The following LRRC37A2 variants were observed in gnomAD, a reference collection of about 807,000 sequenced individuals.
The protein encoded by LRRC37A2 is leucine-rich repeat-containing protein 37A2.
In LRRC37A2, 9 loss-of-function variants were observed where a neutral mutation model predicts 68.8. That is an observed-to-expected ratio of 0.13 (90% confidence interval 0.08 to 0.23). The LOEUF (loss-of-function observed/expected upper bound fraction) is 0.23. Ranked by LOEUF, LRRC37A2 falls within the 10% of genes least tolerant of loss-of-function variation. The probability of loss-of-function intolerance (pLI) is 1.00; values close to 1 mark genes in which losing one functional copy is unlikely to be tolerated. For synonymous variants in LRRC37A2, 63 were observed against 367.6 expected (o/e 0.17, Z 9.48); for missense variants, 168 against 950.4 (o/e 0.18, Z 10.82).
the LRRC37A2 span, among the ~76,000 whole-genome samples, chr17:46,668,811 TA>T: frequency 7.2e-6 from 1 of 138,758 alleles, no homozygotes; most frequent in East Asian, 3.6e-4. Flanking sequence ...ACCCTGTCTC[TA>T]AAAAAGTACT....
At chr17:46,818,353 A>G in the LRRC37A2 span, among the ~76,000 whole-genome samples, 2 of 133,954 alleles carry the variant, frequency 1.5e-5, no homozygotes, top group Non-Finnish European at 3.1e-5. Context: ...TGGATTCTGA[A>G]GGCGACACCA....
chr17:46,752,503 C>T, the LRRC37A2 span, among the ~76,000 whole-genome samples: 1 of 151,826 alleles, frequency 6.6e-6, no homozygotes, highest in Non-Finnish European at 1.5e-5. Context: ...TCTCCCAGGC[C>T]GGAATGCAGT....
the LRRC37A2 span, among the ~76,000 whole-genome samples, chr17:46,642,093 GAA>G: frequency 1.0e-5 from 1 of 97,256 alleles, no homozygotes; most frequent in South Asian, 3.0e-4. Context: ...TAGAGTGTAA[GAA>G]AAAAATATTT....
At chr17:46,933,454 C>G in the LRRC37A2 span, 7 of 152,198 alleles carry the variant, frequency 4.6e-5, no homozygotes, top group Non-Finnish European at 1.0e-4. Flanking sequence ...TTCTGACACA[C>G]TGGGCATTAG....
chr17:46,919,310 A>G, the LRRC37A2 span, among the ~76,000 whole-genome samples: 1 of 152,242 alleles, frequency 6.6e-6, no homozygotes, highest in Non-Finnish European at 1.5e-5. Flanking sequence ...TCAGCAGTAT[A>G]TATCAATTAT....
chr17:46,503,037 C>T, the LRRC37A2 span, among the ~76,000 whole-genome samples: 2 of 150,580 alleles, frequency 1.3e-5, no homozygotes, highest in Non-Finnish European at 2.9e-5. Flanking sequence ...ACGGTGAAAC[C>T]CCATCTCTAC....
At chr17:46,885,993 C>A in the LRRC37A2 span, 1 of 152,424 alleles carries the variant, frequency 6.6e-6, no homozygotes, top group South Asian at 2.1e-4. Context: ...AGCTGGAAAG[C>A]AGCCTGCTGA....
At chr17:46,568,838 A>G in the LRRC37A2 span, among the ~76,000 whole-genome samples, 2 of 120,968 alleles carry the variant, frequency 1.7e-5, no homozygotes, top group Non-Finnish European at 3.4e-5. Context: ...GCTGTAGAAT[A>G]AAAGACTAAA....
chr17:46,755,301 C>A, the LRRC37A2 span: 2 of 1,608,416 alleles, frequency 1.2e-6, no homozygotes, highest in African/African-American at 2.7e-5. Flanking sequence ...TTCATTTCTT[C>A]TGATGTATTT....
the LRRC37A2 span, chr17:47,017,998 C>A: frequency 1.3e-6 from 2 of 1,508,006 alleles, no homozygotes; most frequent in Non-Finnish European, 9.2e-7. Flanking sequence ...CCAGAGTCCT[C>A]TATGGAGAGT....
the LRRC37A2 span, among the ~76,000 whole-genome samples, chr17:46,970,279 G>A: frequency 6.6e-6 from 1 of 152,104 alleles, no homozygotes; most frequent in African/African-American, 2.4e-5. Flanking sequence ...GGTGGCTCAC[G>A]CCTGTAATCC....
At chr17:47,000,655 C>T in the LRRC37A2 span, among the ~76,000 whole-genome samples, 1 of 152,144 alleles carries the variant, frequency 6.6e-6, no homozygotes, top group Admixed American at 6.5e-5. Flanking sequence ...AATGACCCTT[C>T]AGTAGGTCAT....
At chr17:46,885,568 G>C in the LRRC37A2 span, 1 of 152,646 alleles carries the variant, frequency 6.6e-6, no homozygotes, top group Non-Finnish European at 1.5e-5. Context: ...CTCCCAGGGT[G>C]CTGGGATTAC....
chr17:46,939,595 TAC>T, the LRRC37A2 span: 1 of 985,310 alleles, frequency 1.0e-6, no homozygotes, highest in African/African-American at 1.7e-5. Context: ...ATTTTCCAAT[TAC>T]AGTCTCAGCT....
the LRRC37A2 span, among the ~76,000 whole-genome samples, chr17:46,828,596 TG>T: frequency 3.3e-5 from 5 of 152,010 alleles, no homozygotes; most frequent in East Asian, 9.7e-4. Context: ...AGATGACTTG[TG>T]GGGAGAAAGG....
chr17:46,923,132 G>A, the LRRC37A2 span: 6 of 1,155,226 alleles, frequency 5.2e-6, no homozygotes, highest in African/African-American at 1.5e-5. Context: ...CCGGAAGGGG[G>A]GCTGTGAGGA....
At chr17:46,625,993 AC>A in the LRRC37A2 span, among the ~76,000 whole-genome samples, 1 of 148,128 alleles carries the variant, frequency 6.8e-6, no homozygotes, top group Admixed American at 6.7e-5. Context: ...TCATGAGAGG[AC>A]TGTTTTTTTT....
chr17:46,995,654 G>A, the LRRC37A2 span, among the ~76,000 whole-genome samples: 1 of 152,304 alleles, frequency 6.6e-6, no homozygotes, highest in African/African-American at 2.4e-5. Context: ...AGAGCAATAA[G>A]ACAGGAGCCT....
At chr17:46,649,520 A>C in the LRRC37A2 span, among the ~76,000 whole-genome samples, 16 of 151,502 alleles carry the variant, frequency 1.1e-4, no homozygotes, top group East Asian at 3.1e-3. Context: ...AATTCCCATG[A>C]CTCCTGAAGT....
Sources: allele counts gnomAD v4.1 joint callset (sites outside exome capture counted in the v4.1 genomes callset), GRCh38; gene constraint gnomAD v4.1.1; transcripts MANE v1.5; gene names NCBI Gene and HGNC (gene_info 2026-07-23, HGNC 2026-07-21).